The following PDXDC1 variants were observed in gnomAD, a reference collection of about 807,000 sequenced individuals.
The protein encoded by PDXDC1 is pyridoxal dependent decarboxylase domain containing 1, also known as pyridoxal-dependent decarboxylase domain-containing protein 1.
PDXDC1 carries 42 observed loss-of-function variants against 100.1 expected under a neutral mutation model. That is an observed-to-expected ratio of 0.42 (90% CI 0.33 to 0.54). The LOEUF is 0.54. PDXDC1 is among the 20% of genes least tolerant of loss of function. The probability of loss-of-function intolerance (pLI) is 0.10; values close to 1 mark genes in which losing one functional copy is unlikely to be tolerated. For synonymous variants in PDXDC1, 260 were observed against 371.7 expected (o/e 0.70, Z 3.46); for missense variants, 636 against 979.2 (o/e 0.65, Z 4.68).
At chr16:15,132,656 T>TG (rs1375292930) in intron 16 of PDXDC1, 3 of 738,288 alleles carry the variant, frequency 4.1e-6, no homozygotes, top group East Asian at 5.4e-5. Flanking sequence ...CCGTCTGCCC[T>TG]GGGGGGCTGA....
chr16:15,040,182 C>G (rs1306247918), downstream of PDXDC1: 4 of 552,756 alleles, frequency 7.2e-6, no homozygotes, highest in Non-Finnish European at 1.3e-5. Flanking sequence ...AACAGAATGG[C>G]TCCTAAGTAT....
At chr16:15,047,961 T>A in intron 16 of PDXDC1, 1 of 1,605,088 alleles carries the variant, frequency 6.2e-7, no homozygotes, top group South Asian at 1.1e-5. Flanking sequence ...CAATAGCCTT[T>A]TGGGATAACG....
At chr16:15,021,302 A>G (rs1420571407) in intron 12 of PDXDC1, among the ~76,000 whole-genome samples, 2 of 152,262 alleles carry the variant, frequency 1.3e-5, no homozygotes, top group Non-Finnish European at 2.9e-5. Flanking sequence ...ACTTGAGCCC[A>G]GGAGGTCAAG....
chr16:15,136,171 C>T (rs2048339819), intron 16 of PDXDC1: 1 of 918,168 alleles, frequency 1.1e-6, no homozygotes, highest in Non-Finnish European at 1.7e-6. Context: ...TCAGGGCACT[C>T]CTCCATCCTC....
At chr16:15,049,306 T>C (rs534703327) in intron 16 of PDXDC1, among the ~76,000 whole-genome samples, 326 of 152,090 alleles carry the variant, frequency 2.1e-3, no homozygotes, top group Non-Finnish European at 3.6e-3. Context: ...TGGGATTACA[T>C]GCATAAGCCA....
chr16:15,082,545 T>C (rs1397636917), intron 16 of PDXDC1, among the ~76,000 whole-genome samples: 1 of 151,920 alleles, frequency 6.6e-6, no homozygotes, highest in Non-Finnish European at 1.5e-5. Context: ...TGGTGCCCCA[T>C]GTCTATAGTC....
intron 16 of PDXDC1, among the ~76,000 whole-genome samples, chr16:15,089,148 C>CA (rs1370590660): frequency 1.3e-5 from 2 of 151,734 alleles, no homozygotes; most frequent in Non-Finnish European, 2.9e-5. Context: ...ACTGAAAATA[C>CA]AAAAAAATTA....
chr16:15,088,187 T>C (rs1047530093), intron 16 of PDXDC1, among the ~76,000 whole-genome samples: 4 of 151,922 alleles, frequency 2.6e-5, no homozygotes, highest in African/African-American at 7.2e-5. Flanking sequence ...TTATTTCTAC[T>C]AGCAGGCAGG....
rs138302890 is a variant in PDXDC1 at position 15,035,471 on chromosome 16, C to T, written c.2025C>T (p.Pro675=). Residue 675 remains proline (P), a synonymous_variant, in exon 22 of 23, where the codon CCC becomes CCT. Transcript: ENST00000396410. ...CAGGCTCTCTGGAGTCCACAGAACC[C>T]ATATATGTCTACAAAGCACAAGGTG... The part of the protein sequence containing the change: ...LTAGSLESTE[P]IYVYKAQGAG... 146 of 1,611,134 alleles carry T rather than the reference C, an allele frequency of 9.1e-5. No individual in the cohort carries two copies. In the African/African-American group the frequency reaches 1.2e-3, roughly 13 times the overall value.
chr16:15,147,868 TA>T, the PDXDC1 span, among the ~76,000 whole-genome samples: 1 of 152,074 alleles, frequency 6.6e-6, no homozygotes, highest in Non-Finnish European at 1.5e-5. Flanking sequence ...TTTGTATTTT[TA>T]GTAGAACGGG....
intron 16 of PDXDC1, among the ~76,000 whole-genome samples, chr16:15,093,415 C>A (rs775615137): frequency 2.0e-5 from 3 of 152,212 alleles, no homozygotes; most frequent in Admixed American, 6.5e-5. Context: ...TGTTGTATAA[C>A]TGAAATCATC....
intron 1 of PDXDC1, chr16:14,976,614 G>A (rs370188553): frequency 6.0e-3 from 919 of 152,232 alleles, no homozygotes; most frequent in Non-Finnish European, 8.2e-3. Context: ...CCAGATGAGT[G>A]GTTCTTAAAG....
rs146503312 is a variant in PDXDC1 at position 15,067,239 on chromosome 16, C to T, written c.1399+37183C>T. Among the ~76,000 whole-genome samples the T allele has an allele frequency of 4.7e-3, 711 of 151,650 alleles. 6 individuals carry two copies. Among genetic ancestry groups the T allele is most frequent in the African/African-American group, 0.016 (658 of 41,260 alleles). ...CTGTTGAAGATTTTAAGCTATGATC[C>T]GGCCTAAATATCCTCATTGAATATT... On this transcript the variant is annotated intron_variant, in intron 16 of 16. Transcript: ENST00000535621.
rs1192082326 is a variant in PDXDC1, at chr16:15,031,678, G to A, written c.1400-57G>A. The A allele has an allele frequency of 2.8e-6, 4 of 1,449,454 alleles. No individual in the cohort carries two copies. In the East Asian group the frequency reaches 6.9e-5, roughly 25 times the overall value. 89.8% of individuals were successfully genotyped at this position (1,449,454 alleles called of 1,614,324 possible). On this transcript the variant is annotated intron_variant, in intron 16 of 22. Coordinates refer to ENST00000396410, the MANE Select transcript of PDXDC1 (RefSeq NM_015027.4). ...TCCCAGTAGTGGAAGAGGGAGCCCT[G>A]CCCTCTTGTCATTGGCCATCTCGTG...
At chr16:15,088,360 G>A (rs181303083) in intron 16 of PDXDC1, among the ~76,000 whole-genome samples, 44 of 152,110 alleles carry the variant, frequency 2.9e-4, no homozygotes, top group Middle Eastern at 3.4e-3. Context: ...CCAGATGCTC[G>A]GGAGCCTGAG....
intron 1 of PDXDC1, among the ~76,000 whole-genome samples, chr16:14,997,363 C>T (rs1388074587): frequency 6.6e-6 from 1 of 152,036 alleles, no homozygotes; most frequent in African/African-American, 2.4e-5. Flanking sequence ...ATGGTGAAAC[C>T]CCCCCGTCTC....
chr16:15,087,367 G>A (rs1412190135), intron 16 of PDXDC1, among the ~76,000 whole-genome samples: 1 of 152,070 alleles, frequency 6.6e-6, no homozygotes, highest in Admixed American at 6.5e-5. Context: ...GGAAGCTGAG[G>A]CTAAGAACGA....
chr16:15,021,011 C>CACACACACACAA (rs1555562306), intron 12 of PDXDC1, among the ~76,000 whole-genome samples: 5 of 145,380 alleles, frequency 3.4e-5, no homozygotes, highest in Non-Finnish European at 3.1e-5. Context: ...CACACACACA[C>CACACACACACAA]GAAAAGTATT....
intron 3 of PDXDC1, among the ~76,000 whole-genome samples, chr16:15,000,529 A>G (rs1972916235): frequency 6.6e-6 from 1 of 152,264 alleles, no homozygotes; most frequent in South Asian, 2.1e-4. Flanking sequence ...TCCTTTGTTG[A>G]AAGAGGAAAC....
Sources: allele counts gnomAD v4.1 joint callset (sites outside exome capture counted in the v4.1 genomes callset), GRCh38; gene constraint gnomAD v4.1.1; transcripts MANE v1.5; gene names NCBI Gene and HGNC (gene_info 2026-07-23, HGNC 2026-07-21).